Variants in ZNF536 observed in about 807,000 individuals in gnomAD.
ZNF536 encodes zinc finger protein 536.
Under a neutral mutation model 84.5 loss-of-function variants are expected in ZNF536, and 13 were observed. The ratio of observed to expected loss-of-function variants is 0.15; its 90% CI spans 0.10 to 0.24. The LOEUF is 0.24. Among genes scored for constraint, ZNF536 ranks in the 10% least tolerant of loss-of-function variants. The pLI, the probability that ZNF536 is intolerant of heterozygous loss-of-function variation, is 1.00. For missense variants in ZNF536, 1,536 were observed against 1,747.5 expected (o/e 0.88, Z 2.16); for synonymous variants, 811 against 742.5 (o/e 1.09, Z -1.50).
chr19:30,357,683 C>G (rs948966073), intron 3 of ZNF536, among the ~76,000 whole-genome samples: 5 of 152,086 alleles, frequency 3.3e-5, no homozygotes, highest in African/African-American at 1.2e-4. Flanking sequence ...CTTGAAGCAG[C>G]AGGGCCCGGT....
At position 30,445,012 on chromosome 19, in the gene ZNF536, G is replaced by A. The variant is rs779736621; in HGVS notation, c.1450G>A (p.Asp484Asn). 13 of 1,611,932 alleles carry A rather than the reference G, an allele frequency of 8.1e-6. No homozygotes were observed. Among genetic ancestry groups the A allele is most frequent in the Non-Finnish European group, 1.1e-5 (13 of 1,178,980 alleles). Residue 484 changes from aspartate to asparagine, a missense_variant, in exon 2 of 5, where the codon GAC becomes AAC. Asp to Asn is a conservative substitution (Grantham distance 23). Transcript: ENST00000355537. The surrounding 1 kb of genome is among the most constrained non-coding windows in gnomAD (Gnocchi z 4.5). ...SSMAHGVPEG[D>N]KHSLLGCLNL... Reference sequence around the variant, plus strand: ...CATGGCCCACGGCGTCCCGGAGGGGGACAAGCACTCCCTCCTGGGATGCCT... The same window carrying A: ...CATGGCCCACGGCGTCCCGGAGGGGAACAAGCACTCCCTCCTGGGATGCCT...
chr19:30,511,775 C>T (rs1288562986), intron 2 of ZNF536, among the ~76,000 whole-genome samples: 1 of 152,146 alleles, frequency 6.6e-6, no homozygotes. Context: ...TCAGAGCTTA[C>T]ATGGGTGGGG....
intron 1 of ZNF536, among the ~76,000 whole-genome samples, chr19:30,425,915 G>A (rs781519131): frequency 6.6e-6 from 1 of 152,188 alleles, no homozygotes; most frequent in Admixed American, 6.5e-5. Context: ...AGTTGGCTGT[G>A]GAGTCTGGAC....
chr19:30,328,289 C>G (rs2047101470), intron 2 of ZNF536, among the ~76,000 whole-genome samples: 1 of 152,164 alleles, frequency 6.6e-6, no homozygotes, highest in Non-Finnish European at 1.5e-5. Flanking sequence ...GAGAAATAAA[C>G]CGAGACTTCG....
At chr19:30,319,810 A>G (rs2146225200) in intron 2 of ZNF536, among the ~76,000 whole-genome samples, 1 of 152,380 alleles carries the variant, frequency 6.6e-6, no homozygotes, top group East Asian at 1.9e-4. Flanking sequence ...ATTAATCAAT[A>G]TCATCAGCTG....
At chr19:30,463,512 G>T (rs548151873) in intron 2 of ZNF536, among the ~76,000 whole-genome samples, 1 of 152,170 alleles carries the variant, frequency 6.6e-6, no homozygotes, top group East Asian at 1.9e-4. Context: ...CCTTGTGCCC[G>T]GAGGAGGTCC....
At chr19:30,382,620 C>T (rs977845254) in intron 1 of ZNF536, among the ~76,000 whole-genome samples, 2 of 150,372 alleles carry the variant, frequency 1.3e-5, no homozygotes, top group East Asian at 1.9e-4. Flanking sequence ...GAAGTATTTG[C>T]GTGTTTTTGG....
intron 1 of ZNF536, among the ~76,000 whole-genome samples, chr19:30,708,212 A>C (rs1247503878): frequency 6.6e-6 from 1 of 152,124 alleles, no homozygotes; most frequent in East Asian, 1.9e-4. Context: ...CAGGCCCACA[A>C]AGCAGGCATC....
At chr19:30,700,175 CTTTCT>C (rs1315689413) in intron 1 of ZNF536, among the ~76,000 whole-genome samples, 16 of 136,292 alleles carry the variant, frequency 1.2e-4, no homozygotes, top group East Asian at 6.2e-4. Context: ...TTCTTTCCTT[CTTTCT>C]TTTCTTTCCT....
At chr19:30,576,618 G>A (rs998891162) in intron 1 of ZNF536, among the ~76,000 whole-genome samples, 1 of 152,212 alleles carries the variant, frequency 6.6e-6, no homozygotes, top group African/African-American at 2.4e-5. Context: ...TCTGTTCCTG[G>A]TCATGGGGAC....
intron 2 of ZNF536, among the ~76,000 whole-genome samples, chr19:30,311,683 G>A (rs1182244522): frequency 6.6e-6 from 1 of 151,834 alleles, no homozygotes; most frequent in African/African-American, 2.4e-5. Context: ...GCCCAACTTA[G>A]TTAGCCTAGT....
intron 1 of ZNF536, among the ~76,000 whole-genome samples, chr19:30,273,677 T>C (rs1162300815): frequency 2.6e-5 from 4 of 152,244 alleles, no homozygotes; most frequent in African/African-American, 9.6e-5. Context: ...CTTTCTCCAA[T>C]GTGTAGCTTG....
chr19:30,327,260 G>A (rs80167258), intron 2 of ZNF536, among the ~76,000 whole-genome samples: 1,678 of 152,136 alleles, frequency 0.011, 41 homozygotes, highest in African/African-American at 0.038. Context: ...ATATTTCCTC[G>A]GGCTTGGGGT....
intron 1 of ZNF536, among the ~76,000 whole-genome samples, chr19:30,437,696 C>A (rs1037100116): frequency 6.6e-6 from 1 of 151,916 alleles, no homozygotes; most frequent in Non-Finnish European, 1.5e-5. Flanking sequence ...CAGAAAAGGT[C>A]AGGACTGGGG....
At chr19:30,643,566 A>T (rs2049343273) in intron 1 of ZNF536, among the ~76,000 whole-genome samples, 1 of 152,150 alleles carries the variant, frequency 6.6e-6, no homozygotes, top group African/African-American at 2.4e-5. Flanking sequence ...TTCAAGACAC[A>T]TTCCGGACAG....
chr19:30,250,740 T>G lies in ZNF536; in HGVS notation c.-190+22067T>G, dbSNP rs539318051. Reference sequence around the variant, plus strand: ...AGACAACTACGATTCCTCTTCTGTCTATACCACTCCCCCCATATGATTCAA... The same window carrying G: ...AGACAACTACGATTCCTCTTCTGTCGATACCACTCCCCCCATATGATTCAA... On this transcript the variant is annotated intron_variant, in intron 1 of 5. Transcript: ENST00000585628. Among the ~76,000 whole-genome samples the G allele has an allele frequency of 3.9e-5, 6 of 152,170 alleles. No individual in the cohort carries two copies. In the South Asian group the frequency reaches 1.2e-3, roughly 32 times the overall value.
At chr19:30,423,891 AG>A (rs2051096134) in intron 1 of ZNF536, among the ~76,000 whole-genome samples, 1 of 152,018 alleles carries the variant, frequency 6.6e-6, no homozygotes, top group Admixed American at 6.5e-5. Flanking sequence ...TGGGGATTTC[AG>A]GGGGTCAGAC....
chr19:30,636,352 G>A (rs978382269), intron 1 of ZNF536, among the ~76,000 whole-genome samples: 5 of 152,182 alleles, frequency 3.3e-5, no homozygotes, highest in African/African-American at 7.2e-5. Context: ...ATTGGGGACC[G>A]GATGCGTGTC....
At chr19:30,323,656 G>A (rs2046930162) in intron 2 of ZNF536, among the ~76,000 whole-genome samples, 1 of 152,212 alleles carries the variant, frequency 6.6e-6, no homozygotes, top group South Asian at 2.1e-4. Flanking sequence ...TGGGAAAGAA[G>A]GCAGGTGCTG....
Sources: gnomAD v4.1 joint callset for allele counts (sites outside exome capture counted in the v4.1 genomes callset) on GRCh38, gnomAD v4.1.1 for gene constraint, Gnocchi (gnomAD v3.1) non-coding constraint, MANE v1.5 for transcripts, NCBI Gene and HGNC (gene_info 2026-07-23, HGNC 2026-07-21) for gene names.